Variants in PACRG observed in about 807,000 individuals in gnomAD.
The protein encoded by PACRG is parkin coregulated gene protein.
Under a neutral mutation model 29.7 loss-of-function variants are expected in PACRG, and 29 were observed. The observed-to-expected ratio is 0.98, with a 90% confidence interval of 0.73 to 1.33. The LOEUF is 1.33. PACRG is among the 40% of genes most tolerant of loss of function. The probability of loss-of-function intolerance (pLI) is 0.00; values close to 1 mark genes in which losing one functional copy is unlikely to be tolerated. For missense variants in PACRG, 279 were observed against 316.2 expected (o/e 0.88, Z 0.89); for synonymous variants, 116 against 118.7 (o/e 0.98, Z 0.15).
intron 4 of PACRG, among the ~76,000 whole-genome samples, chr6:163,252,528 C>T (rs943268379): frequency 2.6e-5 from 4 of 152,324 alleles, no homozygotes; most frequent in Admixed American, 2.0e-4. Context: ...ATGAGAGCCC[C>T]GCTGTGAAGG....
rs1440638983 is a variant in PACRG at position 162,873,126 on chromosome 6, GTAT to G, written c.291+58850_291+58852del. ...AATATGTTTTTCCCTGGAACTACAGGTATTATTTATACGTATGAGATGTGGTTA... is the reference window on the plus strand; with the variant it reads ...AATATGTTTTTCCCTGGAACTACAGGTATTTATACGTATGAGATGTGGTTA... On this transcript the variant is annotated intron_variant, in intron 2 of 4. Coordinates refer to ENST00000366888, the MANE Select transcript of PACRG (RefSeq NM_001080379.2). Among the ~76,000 whole-genome samples, 4 of 152,118 alleles carry G rather than the reference GTAT, an allele frequency of 2.6e-5. No homozygotes were observed. In the East Asian group the frequency reaches 7.7e-4, roughly 29 times the overall value.
chr6:162,941,547 T>C (rs1317429216), intron 2 of PACRG, among the ~76,000 whole-genome samples: 1 of 152,184 alleles, frequency 6.6e-6, no homozygotes, highest in Non-Finnish European at 1.5e-5. Context: ...TCACCTGCAT[T>C]TTCCTGGCAG....
At chr6:163,199,511 G>A (rs988634977) in intron 4 of PACRG, among the ~76,000 whole-genome samples, 3 of 152,190 alleles carry the variant, frequency 2.0e-5, no homozygotes, top group Non-Finnish European at 4.4e-5. Flanking sequence ...CAGCCACAGA[G>A]CAGGCAAGGA....
intron 4 of PACRG, among the ~76,000 whole-genome samples, chr6:163,127,122 T>C (rs542674850): frequency 6.6e-6 from 1 of 152,258 alleles, no homozygotes; most frequent in East Asian, 1.9e-4. Flanking sequence ...GCCAACAGGG[T>C]CAATGAAGTG....
chr6:163,306,804 G>C (rs1192325628), intron 4 of PACRG, among the ~76,000 whole-genome samples: 1 of 152,162 alleles, frequency 6.6e-6, no homozygotes, highest in Non-Finnish European at 1.5e-5. Context: ...GGCATCCATT[G>C]AATAACTGTC....
At chr6:163,045,590 TG>T (rs1163233709) in intron 2 of PACRG, among the ~76,000 whole-genome samples, 3 of 150,732 alleles carry the variant, frequency 2.0e-5, no homozygotes, top group Non-Finnish European at 4.4e-5. Context: ...CCCAAAGTGC[TG>T]GGATTACAGG....
chr6:163,285,780 A>G (rs903665821), intron 4 of PACRG, among the ~76,000 whole-genome samples: 1 of 152,216 alleles, frequency 6.6e-6, no homozygotes, highest in African/African-American at 2.4e-5. Flanking sequence ...GCGGCTCTGT[A>G]TAAATTCCTC....
At chr6:163,227,426 A>G (rs1781850530) in intron 4 of PACRG, among the ~76,000 whole-genome samples, 2 of 152,314 alleles carry the variant, frequency 1.3e-5, no homozygotes, top group African/African-American at 4.8e-5. Context: ...TGGGGATTCC[A>G]TTTCAACACA....
chr6:162,780,608 A>T (rs1224527540), intron 1 of PACRG, among the ~76,000 whole-genome samples: 1 of 152,198 alleles, frequency 6.6e-6, no homozygotes, highest in Non-Finnish European at 1.5e-5. Context: ...GAATTTACAG[A>T]TAATAGAAAT....
chr6:162,948,551 A>G (rs540528668), intron 2 of PACRG, among the ~76,000 whole-genome samples: 1 of 152,172 alleles, frequency 6.6e-6, no homozygotes, highest in Non-Finnish European at 1.5e-5. Flanking sequence ...ACTATATCAA[A>G]CTAAAACCTT....
chr6:162,969,168 G>A (rs767022657), intron 2 of PACRG, among the ~76,000 whole-genome samples: 4 of 151,560 alleles, frequency 2.6e-5, no homozygotes, highest in African/African-American at 4.8e-5. Context: ...TGTAGTACTT[G>A]GTATAGATTT....
intron 4 of PACRG, among the ~76,000 whole-genome samples, chr6:163,162,162 A>C (rs771111940): frequency 6.6e-6 from 1 of 152,150 alleles, no homozygotes. Flanking sequence ...GCCAGGGCCC[A>C]CTCCCAGCCT....
chr6:162,856,649 C>T (rs1791423552), intron 2 of PACRG, among the ~76,000 whole-genome samples: 1 of 152,176 alleles, frequency 6.6e-6, no homozygotes, highest in South Asian at 2.1e-4. Flanking sequence ...AGATCTGTAG[C>T]GTGTGCAGCA....
chr6:163,027,562 A>C (rs1406402212), intron 2 of PACRG, among the ~76,000 whole-genome samples: 1 of 152,158 alleles, frequency 6.6e-6, no homozygotes, highest in Non-Finnish European at 1.5e-5. Context: ...AAAAAATCTT[A>C]TTATGGTGTT....
At chr6:163,269,979 GAAAGAAAGAAAGAAAGAAAGAAAGAAA>G (rs1562350466) in intron 4 of PACRG, among the ~76,000 whole-genome samples, 26 of 93,762 alleles carry the variant, frequency 2.8e-4, no homozygotes, top group African/African-American at 1.1e-3. Context: ...AAGAAAGAAA[GAAAGAAAGAAAGAAAGAAAGAAAGAAA>G]GGAGGGAGGG....
At chr6:163,244,315 G>A (rs1782614024) in intron 4 of PACRG, among the ~76,000 whole-genome samples, 1 of 151,890 alleles carries the variant, frequency 6.6e-6, no homozygotes, top group African/African-American at 2.4e-5. Context: ...GTGTTTCCGT[G>A]TGAGCTTCAT....
intron 4 of PACRG, among the ~76,000 whole-genome samples, chr6:163,159,153 A>G (rs1244253558): frequency 6.6e-6 from 1 of 152,166 alleles, no homozygotes; most frequent in Non-Finnish European, 1.5e-5. Flanking sequence ...CTGTTGTTGT[A>G]AGCGTTACAT....
intron 2 of PACRG, among the ~76,000 whole-genome samples, chr6:162,837,052 T>C (rs1423157940): frequency 2.0e-5 from 3 of 152,122 alleles, no homozygotes; most frequent in South Asian, 2.1e-4. Flanking sequence ...TTGACCTGAT[T>C]CAGAGATGGA....
chr6:162,876,178 G>A (rs1039507195), intron 2 of PACRG, among the ~76,000 whole-genome samples: 3 of 152,142 alleles, frequency 2.0e-5, no homozygotes, highest in African/African-American at 7.2e-5. Context: ...TCCAAAGAAA[G>A]CAATGACAAG....
Sources: allele counts gnomAD v4.1 joint callset (sites outside exome capture counted in the v4.1 genomes callset), GRCh38; gene constraint gnomAD v4.1.1; transcripts MANE v1.5; gene names NCBI Gene and HGNC (gene_info 2026-07-23, HGNC 2026-07-21).